NCALD: variants seen among roughly 807,000 people sequenced by gnomAD.
NCALD encodes neurocalcin delta.
Under a neutral mutation model 18.6 loss-of-function variants are expected in NCALD, and 10 were observed. That is an observed-to-expected ratio of 0.54 (90% confidence interval 0.33 to 0.91). The LOEUF is 0.91. Ranked by LOEUF, NCALD falls within the 40% of genes least tolerant of loss-of-function variation. NCALD has a pLI of 0.03. For missense variants in NCALD, 184 were observed against 247.6 expected (o/e 0.74, Z 1.72); for synonymous variants, 88 against 87.4 (o/e 1.01, Z -0.04).
intron 4 of NCALD, among the ~76,000 whole-genome samples, chr8:101,837,677 C>T (rs1814468992): frequency 6.6e-6 from 1 of 152,176 alleles, no homozygotes; most frequent in Non-Finnish European, 1.5e-5. Flanking sequence ...TTAGCCAGCC[C>T]TACAACCCTA....
intron 2 of NCALD, among the ~76,000 whole-genome samples, chr8:101,694,787 A>C (rs1814907598): frequency 6.6e-6 from 1 of 152,076 alleles, no homozygotes; most frequent in Admixed American, 6.6e-5. Context: ...CTGTAGTGCC[A>C]TGTGCCTCAC....
At chr8:101,849,572 T>A (rs910035001) in intron 4 of NCALD, among the ~76,000 whole-genome samples, 12 of 152,112 alleles carry the variant, frequency 7.9e-5, no homozygotes, top group African/African-American at 2.9e-4. Flanking sequence ...ATTTTTCCGA[T>A]AGGAAACCAG....
intron 3 of NCALD, among the ~76,000 whole-genome samples, chr8:101,907,691 A>G (rs565583168): frequency 2.0e-5 from 3 of 152,174 alleles, no homozygotes; most frequent in Admixed American, 1.3e-4. Context: ...ATTATTTCCA[A>G]CCCAGTGCTA....
At chr8:101,716,131 T>C (rs529012622) in intron 2 of NCALD, among the ~76,000 whole-genome samples, 2 of 152,330 alleles carry the variant, frequency 1.3e-5, no homozygotes, top group East Asian at 1.9e-4. Context: ...TAGAATACTA[T>C]GTAGCCACAA....
chr8:102,045,378 A>G (rs2132195056), intron 1 of NCALD, among the ~76,000 whole-genome samples: 1 of 152,358 alleles, frequency 6.6e-6, no homozygotes, highest in South Asian at 2.1e-4. Flanking sequence ...TAGACTAGGA[A>G]TGTTATGCAC....
At chr8:102,074,419 G>T (rs17500306) in intron 1 of NCALD, among the ~76,000 whole-genome samples, 3 of 152,092 alleles carry the variant, frequency 2.0e-5, no homozygotes, top group Admixed American at 1.3e-4. Flanking sequence ...GGGCAAACTC[G>T]CATTCTATTC....
chr8:101,752,526 T>C (rs1167527259), intron 1 of NCALD, among the ~76,000 whole-genome samples: 1 of 152,110 alleles, frequency 6.6e-6, no homozygotes, highest in African/African-American at 2.4e-5. Flanking sequence ...CTTAGATGAG[T>C]TGGAACACAC....
At chr8:101,748,280 T>C (rs955157893) in intron 1 of NCALD, among the ~76,000 whole-genome samples, 7 of 152,206 alleles carry the variant, frequency 4.6e-5, no homozygotes, top group South Asian at 2.1e-4. Context: ...GTTTAGCAGA[T>C]TTATGACACA....
At chr8:101,842,040 C>A (rs1475557326) in intron 4 of NCALD, among the ~76,000 whole-genome samples, 1 of 152,162 alleles carries the variant, frequency 6.6e-6, no homozygotes, top group African/African-American at 2.4e-5. Context: ...GGCTAGAAGT[C>A]CAAAATCAAG....
chr8:102,082,142 T>C (rs965023507), intron 1 of NCALD, among the ~76,000 whole-genome samples: 2 of 151,880 alleles, frequency 1.3e-5, no homozygotes, highest in Admixed American at 6.6e-5. Flanking sequence ...AAGGTGTCAG[T>C]ATTTGTCCTG....
At position 101,988,976 on chromosome 8, in the gene NCALD, G is replaced by A. The variant is rs567631719; in HGVS notation, c.-157+31261C>T. 2.6e-5 allele frequency among the ~76,000 whole-genome samples: 4 copies of A among 151,806 alleles called. 1 individual carries two copies. The highest frequency in any genetic ancestry group is 2.1e-4 in the South Asian group (1 of 4,790). On this transcript the variant is annotated intron_variant, in intron 2 of 6. Coordinates refer to the NCALD transcript ENST00000311028. Reference sequence around the variant, plus strand: ...GCAATGGAAAGAGAGATGGAGAGGCGTCTAGCAAGTGCAGCCTGAGTCAGG... The same window carrying A: ...GCAATGGAAAGAGAGATGGAGAGGCATCTAGCAAGTGCAGCCTGAGTCAGG...
chr8:101,998,438 C>T (rs1821318805), intron 2 of NCALD, among the ~76,000 whole-genome samples: 1 of 152,082 alleles, frequency 6.6e-6, no homozygotes, highest in Admixed American at 6.5e-5. Flanking sequence ...CTGCCATGAC[C>T]CCTGGCTTCT....
At chr8:101,915,605 C>T (rs1056780075) in intron 3 of NCALD, 1 of 152,088 alleles carries the variant, frequency 6.6e-6, no homozygotes, top group African/African-American at 2.4e-5. Context: ...GCAGGCAGTA[C>T]CTTATTTACT....
Position 101,913,377 on chromosome 8 carries a change from T to C in NCALD, c.-107+2432A>G, listed in dbSNP as rs1817868057. Among the ~76,000 whole-genome samples the C allele has an allele frequency of 1.3e-5, 2 of 152,262 alleles. 1 individual carries two copies. Among genetic ancestry groups the C allele is most frequent in the South Asian group, 4.1e-4 (2 of 4,832 alleles). ...TAGCAGAATGCTTTATACATGTGTA[T>C]ACCTTTATCCAATTCAAAACTTGAA... On this transcript the variant is annotated intron_variant, in intron 3 of 6. Coordinates refer to the NCALD transcript ENST00000311028.
At position 101,920,507 on chromosome 8, in the gene NCALD, A is replaced by G. The variant is rs143761599; in HGVS notation, c.-156-4649T>C. Among the ~76,000 whole-genome samples the G allele has an allele frequency of 9.3e-4, 141 of 152,310 alleles. 1 individual carries two copies. In the East Asian group the frequency reaches 0.026, roughly 29 times the overall value. The stretch of plus-strand genomic sequence containing the variant: ...CCCATCAATGGTGAATTAGATTAAA[A>G]CATATGTGGTACATATATACCATAG... On this transcript the variant is annotated intron_variant, in intron 2 of 6. Coordinates refer to the NCALD transcript ENST00000311028.
chr8:101,951,954 C>A (rs1480862802), intron 2 of NCALD, among the ~76,000 whole-genome samples: 2 of 152,146 alleles, frequency 1.3e-5, no homozygotes, highest in East Asian at 1.9e-4. Context: ...CTGGACTAAG[C>A]GAGAGAGAGG....
chr8:102,080,892 G>A (rs538929335), intron 1 of NCALD, among the ~76,000 whole-genome samples: 4 of 152,360 alleles, frequency 2.6e-5, no homozygotes, highest in African/African-American at 9.6e-5. Context: ...GCAAAGGCCT[G>A]AGGGTTTGAG....
chr8:101,857,994 A>G (rs1162828288), intron 4 of NCALD, among the ~76,000 whole-genome samples: 4 of 152,210 alleles, frequency 2.6e-5, no homozygotes, highest in South Asian at 2.1e-4. Flanking sequence ...GACATTGTCA[A>G]TGGGATAGAT....
intron 4 of NCALD, among the ~76,000 whole-genome samples, chr8:101,866,456 C>G (rs578052930): frequency 6.6e-6 from 1 of 152,308 alleles, no homozygotes; most frequent in South Asian, 2.1e-4. Context: ...CCCTGAACTG[C>G]AGATCTATAC....
Sources: gnomAD v4.1 joint callset for allele counts (sites outside exome capture counted in the v4.1 genomes callset) on GRCh38, gnomAD v4.1.1 for gene constraint, MANE v1.5 for transcripts, NCBI Gene and HGNC (gene_info 2026-07-23, HGNC 2026-07-21) for gene names.